Variants in TG observed in about 807,000 individuals in gnomAD.
The protein encoded by TG is thyroid hormones.
TG carries 270 observed loss-of-function variants against 324.7 expected under a neutral mutation model. The ratio of observed to expected loss-of-function variants is 0.83; its 90% CI spans 0.75 to 0.92. The LOEUF (loss-of-function observed/expected upper bound fraction) is 0.92, where lower values mean the gene tolerates loss of function less well. Ranked by LOEUF, TG falls within the 40% of genes least tolerant of loss-of-function variation. The probability of loss-of-function intolerance (pLI) is 0.00; values close to 1 mark genes in which losing one functional copy is unlikely to be tolerated. For missense variants in TG, 3,591 were observed against 3,456.4 expected, an observed-to-expected ratio of 1.04 and a Z score of -0.98; for synonymous variants, 1,401 against 1,327.0, an observed-to-expected ratio of 1.06 and a Z score of -1.21.
intron 24 of TG, among the ~76,000 whole-genome samples, chr8:132,934,054 A>C (rs35334722): frequency 0.52 from 78,340 of 151,880 alleles, 21,708 homozygotes; most frequent in Non-Finnish European, 0.61. Context: ...TCGTGGTTGG[A>C]GGGCACGGTG....
chr8:133,102,416 C>T, intron 43 of TG: 3 of 713,520 alleles, frequency 4.2e-6, no homozygotes, highest in Non-Finnish European at 7.2e-6. Flanking sequence ...CAGAGACCCA[C>T]CCATTTTCTT....
At chr8:133,045,805 T>C (rs1839270149) in intron 41 of TG, among the ~76,000 whole-genome samples, 1 of 152,108 alleles carries the variant, frequency 6.6e-6, no homozygotes, top group Non-Finnish European at 1.5e-5. Flanking sequence ...TCCATGGTCG[T>C]TTTTGGACTC....
chr8:133,106,389 G>A, intron 43 of TG: 1 of 985,276 alleles, frequency 1.0e-6, no homozygotes, highest in East Asian at 1.1e-4. Flanking sequence ...GGCCTGCTCT[G>A]TGTTCCATGC....
At chr8:133,089,848 T>A (rs1847217820) in intron 41 of TG, 1 of 152,228 alleles carries the variant, frequency 6.6e-6, no homozygotes, top group Non-Finnish European at 1.5e-5. Flanking sequence ...TCACCCACCC[T>A]GTTCCTCCCA....
intron 41 of TG, among the ~76,000 whole-genome samples, chr8:133,056,770 AG>A (rs1351176780): frequency 6.6e-6 from 1 of 152,202 alleles, no homozygotes; most frequent in Non-Finnish European, 1.5e-5. Flanking sequence ...CGTTTTACAA[AG>A]GAGGACAGAG....
chr8:132,961,182 G>C, intron 28 of TG, 109 bp downstream of exon 28: 1 of 1,126,452 alleles, frequency 8.9e-7, no homozygotes, highest in Non-Finnish European at 1.3e-6. Flanking sequence ...AATAGGTAGA[G>C]AGTCACTTTC....
intron 25 of TG, among the ~76,000 whole-genome samples, chr8:132,938,994 G>GT (rs1349131593): frequency 1.4e-5 from 2 of 146,028 alleles, no homozygotes; most frequent in Non-Finnish European, 3.0e-5. Flanking sequence ...GGAGCTTGCA[G>GT]TGAGCCGAGA....
intron 35 of TG, among the ~76,000 whole-genome samples, chr8:132,995,827 C>T (rs548502944): frequency 1.3e-5 from 2 of 152,266 alleles, no homozygotes; most frequent in Non-Finnish European, 2.9e-5. Flanking sequence ...AGTCTGGTTT[C>T]GTGTGTGTGG....
At position 133,039,955 on chromosome 8, in the gene TG, A is replaced by ACG. The variant is rs1407063310; in HGVS notation, c.7239+9933_7239+9934insGC. On this transcript the variant is annotated intron_variant, in intron 41 of 47. Transcript: ENST00000220616. Reference sequence around the variant, plus strand: ...ACATGTTCACAGAGCACTTGCATGCACACACACACACACACACACACACAT... The same window carrying ACG: ...ACATGTTCACAGAGCACTTGCATGCACGCACACACACACACACACACACACAT... The ACG allele has an allele frequency of 6.6e-6, 6 of 915,516 alleles. No homozygotes were observed. The African/African-American group carries it at 7.6e-5, about 12-fold the overall frequency. 56.7% of individuals were successfully genotyped at this position (915,516 alleles called of 1,614,324 possible).
intron 47 of TG, among the ~76,000 whole-genome samples, chr8:133,134,075 T>C (rs1852163989): frequency 6.6e-6 from 1 of 152,250 alleles, no homozygotes; most frequent in Non-Finnish European, 1.5e-5. Context: ...TGGGCATTTC[T>C]ACCTCTTCCT....
At chr8:132,906,985 C>T in intron 17 of TG, 85 bp downstream of exon 17, 1 of 1,396,874 alleles carries the variant, frequency 7.2e-7, no homozygotes, top group Non-Finnish European at 9.8e-7. Flanking sequence ...GTGGCTGCTC[C>T]ATTTCCCCAC....
At position 132,913,064 on chromosome 8, in the gene TG, A is replaced by T. The variant is rs1819761075; in HGVS notation, c.4177A>T (p.Lys1393Ter). The change falls in exon 20 of 48, where the codon AAG (lysine) becomes TAG (stop). Residue 1393 changes from lysine (K) to a stop codon, truncating the protein, a stop_gained. Coordinates refer to ENST00000220616, the MANE Select transcript of TG (RefSeq NM_003235.5). LOFTEE classifies it high-confidence loss of function. The part of the protein sequence containing the change: ...LHDIERALVG[K>*]DLLGRFTDLI... ...TCTTACAGAGAGAGCCTTGGTGGGC[A>T]AGGATCTCCTTGGGCGCTTCACAGA... is the stretch of plus-strand genomic sequence containing the variant. 6.2e-7 allele frequency: 1 copy of T among 1,614,128 alleles called. No individual in the cohort carries two copies. The highest frequency in any genetic ancestry group is 2.2e-5 in the East Asian group (1 of 44,866).
intron 43 of TG, among the ~76,000 whole-genome samples, chr8:133,110,818 G>T (rs545035628): frequency 6.6e-6 from 1 of 152,282 alleles, no homozygotes; most frequent in South Asian, 2.1e-4. Context: ...CCAAATCTGG[G>T]TTGCCAGCTC....
intron 41 of TG, among the ~76,000 whole-genome samples, chr8:133,085,056 T>C (rs1010123697): frequency 3.3e-5 from 5 of 152,240 alleles, no homozygotes; most frequent in Non-Finnish European, 7.3e-5. Context: ...GAGAACAGCA[T>C]GTAAAGTGCT....
At position 132,923,469 on chromosome 8, in the gene TG, T is replaced by C; in HGVS notation, c.4660T>C (p.Trp1554Arg). 1 of 1,613,862 alleles carries C rather than the reference T, an allele frequency of 6.2e-7. No homozygotes were observed. The highest frequency in any genetic ancestry group is 8.5e-7 in the Non-Finnish European group (1 of 1,179,910). Residue 1554 changes from tryptophan to arginine, a missense_variant, in exon 22 of 48, where the codon TGG (tryptophan) becomes CGG (arginine). Transcript: ENST00000220616. ...VDGEGRRLPWWETEAPLEDSQ... is the reference protein window; with the variant it reads ...VDGEGRRLPWRETEAPLEDSQ... ...CGGCGAGGGGCGGAGGCTGCCATGG[T>C]GGGAAACAGAGGCCCCTCTTGAGGA...
At chr8:133,115,479 G>C (rs1276368800) in intron 44 of TG, among the ~76,000 whole-genome samples, 1 of 152,160 alleles carries the variant, frequency 6.6e-6, no homozygotes. Context: ...CCCAACTTCA[G>C]AGCCTCACCT....
intron 41 of TG, among the ~76,000 whole-genome samples, chr8:133,039,351 G>A (rs1227537553): frequency 6.6e-6 from 1 of 152,176 alleles, no homozygotes; most frequent in African/African-American, 2.4e-5. Flanking sequence ...ACTTCCAGCT[G>A]TAAATTTTAG....
intron 34 of TG, among the ~76,000 whole-genome samples, chr8:132,982,882 G>A (rs1378989285): frequency 2.0e-5 from 3 of 152,172 alleles, no homozygotes; most frequent in Non-Finnish European, 2.9e-5. Flanking sequence ...CTGGGACGGG[G>A]TAGGACTGCA....
rs1428302127 is a variant in TG at position 132,960,934 on chromosome 8, G to A, written c.5402-74G>A. 5.0e-6 allele frequency: 7 copies of A among 1,399,978 alleles called. No individual in the cohort carries two copies. The Admixed American group carries it at 1.2e-4, about 23-fold the overall frequency. 86.7% of individuals were successfully genotyped at this position (1,399,978 alleles called of 1,614,324 possible). On this transcript the variant is annotated intron_variant, in intron 27 of 47. Coordinates refer to ENST00000220616, the MANE Select transcript of TG (RefSeq NM_003235.5). ...GGAAGAGCCTGTGTCAAGGGAGATG[G>A]GGCTATTGCAGTAATGGTGGGTACC...
Sources: allele counts gnomAD v4.1 joint callset (sites outside exome capture counted in the v4.1 genomes callset), GRCh38; gene constraint gnomAD v4.1.1; transcripts MANE v1.5; gene names NCBI Gene and HGNC (gene_info 2026-07-23, HGNC 2026-07-21).